LRRN3: variants seen among roughly 807,000 people sequenced by gnomAD.
The protein encoded by LRRN3 is leucine rich repeat neuronal 3.
LRRN3 carries 15 observed loss-of-function variants against 40.1 expected under a neutral mutation model. The ratio of observed to expected loss-of-function variants is 0.37; its 90% CI spans 0.25 to 0.58. The LOEUF (loss-of-function observed/expected upper bound fraction) is 0.58. Among genes scored for constraint, LRRN3 ranks in the 20% least tolerant of loss-of-function variants. The pLI is 0.72. For missense variants in LRRN3, 746 were observed against 837.7 expected, an observed-to-expected ratio of 0.89 and a Z score of 1.35; for synonymous variants, 308 against 297.2, an observed-to-expected ratio of 1.04 and a Z score of -0.37.
intron 2 of LRRN3, among the ~76,000 whole-genome samples, chr7:111,102,609 G>A (rs751837131): frequency 1.6e-4 from 25 of 151,546 alleles, no homozygotes; most frequent in African/African-American, 5.1e-4. Context: ...AAGAGAGAGA[G>A]AAAAATTACT....
chr7:111,125,026 G>T lies in LRRN3; in HGVS notation c.*127G>T. On this transcript the variant is annotated 3_prime_UTR_variant, in exon 3 of 3. Transcript: ENST00000308478. ...GTAAAAAAAGATTACTTTCGAGAGA[G>T]AAGTTTAAGCTTCACCAATGCTGCT... 1.4e-6 allele frequency: 1 copy of T among 726,760 alleles called. No individual in the cohort carries two copies. Among genetic ancestry groups the T allele is most frequent in the African/African-American group, 1.8e-5 (1 of 55,082 alleles). The allele number at this position is 726,760 out of a possible 1,614,324, so 45.0% of individuals were successfully genotyped here.
chr7:111,112,450 C>T (rs1799349533), intron 2 of LRRN3, among the ~76,000 whole-genome samples: 1 of 151,628 alleles, frequency 6.6e-6, no homozygotes, highest in African/African-American at 2.4e-5. Context: ...GAGCTCATGT[C>T]CTGTACAGTA....
At chr7:111,113,003 T>G (rs944149110) in intron 2 of LRRN3, among the ~76,000 whole-genome samples, 1 of 152,202 alleles carries the variant, frequency 6.6e-6, no homozygotes, top group Non-Finnish European at 1.5e-5. Flanking sequence ...ACACTGATAT[T>G]AGTGTTGTTT....
At chr7:111,115,770 C>G (rs890045985) in intron 2 of LRRN3, among the ~76,000 whole-genome samples, 3 of 152,100 alleles carry the variant, frequency 2.0e-5, no homozygotes, top group Non-Finnish European at 4.4e-5. Flanking sequence ...CAGGTTCCAG[C>G]GATTCTCGTG....
chr7:111,117,776 T>G (rs964740670), intron 2 of LRRN3, among the ~76,000 whole-genome samples: 1 of 152,106 alleles, frequency 6.6e-6, no homozygotes, highest in Admixed American at 6.5e-5. Flanking sequence ...CAATTTGCTA[T>G]AGAAGAAAAG....
At position 111,124,859 on chromosome 7, in the gene LRRN3, T is replaced by G. The variant is rs201830680; in HGVS notation, c.2087T>G (p.Val696Gly). 47 of 1,599,362 alleles carry G rather than the reference T, an allele frequency of 2.9e-5. No individual in the cohort carries two copies. Among genetic ancestry groups the G allele is most frequent in the Non-Finnish European group, 6.8e-6 (8 of 1,176,626 alleles). ...AAAGAAAAAAGTACATCACTGAAAG[T>G]AAAAGCAACTGTTATAGGTTTACCA... ...AGKEKSTSLK[V>G]KATVIGLPTN... The change falls in exon 3 of 3, where the codon GTA becomes GGA. Residue 696 changes from valine to glycine, a missense_variant. By Grantham distance (109) the Val-to-Gly change is moderately radical. Transcript: ENST00000308478.
Position 111,101,536 on chromosome 7 carries a change from A to G in LRRN3, c.-359+1574A>G, listed in dbSNP as rs1471048555. Among the ~76,000 whole-genome samples, 5 of 151,564 alleles carry G rather than the reference A, an allele frequency of 3.3e-5. No homozygotes were observed. The East Asian group carries it at 9.7e-4, about 29-fold the overall frequency. ...GTCCACTGTCTACCATTTTTGTTGT[A>G]GATTTAGTAAAAAAAAAAATTACTT... On this transcript the variant is annotated intron_variant, in intron 2 of 2. Coordinates refer to ENST00000308478, the MANE Select transcript of LRRN3 (RefSeq NM_001099658.2).
intron 2 of LRRN3, among the ~76,000 whole-genome samples, chr7:111,104,165 A>G (rs1368231840): frequency 6.6e-6 from 1 of 151,802 alleles, no homozygotes; most frequent in South Asian, 2.1e-4. Flanking sequence ...TCCTTCATTC[A>G]TGCATGCACA....
rs977341346 is a variant in LRRN3, at chr7:111,122,499, A to G, written c.-274A>G. On this transcript the variant is annotated 5_prime_UTR_variant, in exon 3 of 3. The change abolishes an upstream ATG in the 5' untranslated region. Coordinates refer to ENST00000308478, the MANE Select transcript of LRRN3 (RefSeq NM_001099658.2). ...AAATAAATGAATTACTCAATCTCCT[A>G]TGACCATCTATACATACTCCACCTT... The G allele has an allele frequency of 1.1e-5, 4 of 350,184 alleles. No individual in the cohort carries two copies. The highest frequency in any genetic ancestry group is 2.1e-5 in the Non-Finnish European group (4 of 194,284). The allele number at this position is 350,184 out of a possible 1,614,324, so 21.7% of individuals were successfully genotyped here.
chr7:111,120,138 G>T (rs770979443), intron 2 of LRRN3, among the ~76,000 whole-genome samples: 1 of 152,146 alleles, frequency 6.6e-6, no homozygotes, highest in Non-Finnish European at 1.5e-5. Context: ...TGTTGGAAAT[G>T]ATTATATTTC....
intron 2 of LRRN3, among the ~76,000 whole-genome samples, chr7:111,115,293 G>GTTT (rs138785361): frequency 0.042 from 6,392 of 152,198 alleles, 197 homozygotes; most frequent in South Asian, 0.081. Context: ...CAAGAGACAA[G>GTTT]TTATGACTTA....
At chr7:111,091,541 C>G (rs577729988) in intron 1 of LRRN3, 37 bp downstream of exon 1, 1 of 152,164 alleles carries the variant, frequency 6.6e-6, no homozygotes, top group Non-Finnish European at 1.5e-5. Context: ...AAAATACGTT[C>G]TATTTCTTGT....
At chr7:111,114,401 T>C (rs998150596) in intron 2 of LRRN3, among the ~76,000 whole-genome samples, 8 of 151,922 alleles carry the variant, frequency 5.3e-5, no homozygotes, top group African/African-American at 1.9e-4. Flanking sequence ...TCTGAGTAAA[T>C]CCTATCGGTA....
chr7:111,105,190 A>C (rs1438341004), intron 2 of LRRN3, among the ~76,000 whole-genome samples: 1 of 151,878 alleles, frequency 6.6e-6, no homozygotes, highest in Non-Finnish European at 1.5e-5. Context: ...TTAAAAATTA[A>C]TTTGATTCTT....
intron 2 of LRRN3, among the ~76,000 whole-genome samples, chr7:111,105,116 T>G (rs1798400668): frequency 6.6e-6 from 1 of 151,846 alleles, no homozygotes; most frequent in Admixed American, 6.6e-5. Context: ...AATATATTCT[T>G]AACTCTGTAG....
intron 1 of LRRN3, among the ~76,000 whole-genome samples, chr7:111,093,464 A>G (rs966783280): frequency 6.6e-6 from 1 of 152,180 alleles, no homozygotes; most frequent in African/African-American, 2.4e-5. Context: ...TCAAACTCCT[A>G]TATAATGTAG....
At chr7:111,107,142 G>A (rs1586310221) in intron 2 of LRRN3, among the ~76,000 whole-genome samples, 1 of 148,088 alleles carries the variant, frequency 6.8e-6, no homozygotes, top group African/African-American at 2.5e-5. Flanking sequence ...AAGATAGGTG[G>A]GAGAGATTCA....
intron 2 of LRRN3, among the ~76,000 whole-genome samples, chr7:111,104,585 A>AATT (rs141223397): frequency 0.061 from 9,315 of 151,834 alleles, 553 homozygotes; most frequent in African/African-American, 0.15. Context: ...ATCATGCTAA[A>AATT]TAACAGAAAA....
chr7:111,119,223 G>C (rs2129586926), intron 2 of LRRN3, among the ~76,000 whole-genome samples: 1 of 152,260 alleles, frequency 6.6e-6, no homozygotes, highest in East Asian at 1.9e-4. Flanking sequence ...ATTGGACTTT[G>C]TACCTAGGTT....
Sources: allele counts gnomAD v4.1 joint callset (sites outside exome capture counted in the v4.1 genomes callset), GRCh38; gene constraint gnomAD v4.1.1; transcripts MANE v1.5; gene names NCBI Gene and HGNC (gene_info 2026-07-23, HGNC 2026-07-21).